INSR: variants seen among roughly 807,000 people sequenced by gnomAD.
INSR encodes the protein insulin receptor.
In INSR, 67 loss-of-function variants were observed where a neutral mutation model predicts 142.6. The observed-to-expected ratio is 0.47, with a 90% CI of 0.39 to 0.58. INSR has a LOEUF of 0.58. INSR is among the 20% of genes least tolerant of loss of function. INSR has a pLI of 0.00. For synonymous variants in INSR, 756 were observed against 743.1 expected (o/e 1.02, Z -0.28); for missense variants, 1,248 against 1,833.2 (o/e 0.68, Z 5.83).
intron 2 of INSR, among the ~76,000 whole-genome samples, chr19:7,238,792 A>C (rs2145145226): frequency 6.6e-6 from 1 of 151,800 alleles, no homozygotes. Context: ...CTATGGGCTA[A>C]GTCTCTCAAT....
intron 1 of INSR, among the ~76,000 whole-genome samples, chr19:7,282,011 T>C (rs1968214204): frequency 6.6e-6 from 1 of 152,194 alleles, no homozygotes; most frequent in African/African-American, 2.4e-5. Context: ...AGAGCCAGTC[T>C]GTACGTGGCA....
intron 1 of INSR, among the ~76,000 whole-genome samples, chr19:7,280,727 A>C (rs1413223778): frequency 6.7e-6 from 1 of 148,700 alleles, no homozygotes; most frequent in South Asian, 2.1e-4. Flanking sequence ...CAAAAAAAAA[A>C]ACAAAAAACC....
chr19:7,208,696 C>T (rs149811491), intron 2 of INSR, among the ~76,000 whole-genome samples: 1 of 152,244 alleles, frequency 6.6e-6, no homozygotes, highest in Non-Finnish European at 1.5e-5. Flanking sequence ...ATGGCAAAAC[C>T]CTGTCTCGGC....
chr19:7,274,293 G>A (rs937335172), intron 1 of INSR, among the ~76,000 whole-genome samples: 5 of 151,982 alleles, frequency 3.3e-5, no homozygotes, highest in South Asian at 2.1e-4. Context: ...GTTCTGACAC[G>A]AGGCGGAGCT....
At chr19:7,135,854 G>C (rs941662564) in intron 13 of INSR, among the ~76,000 whole-genome samples, 2 of 151,594 alleles carry the variant, frequency 1.3e-5, no homozygotes, top group African/African-American at 2.4e-5. Flanking sequence ...TGTAGTCCCA[G>C]ATACTCAAGA....
chr19:7,175,140 G>C (rs1599947291), intron 3 of INSR, among the ~76,000 whole-genome samples: 2 of 151,708 alleles, frequency 1.3e-5, no homozygotes, highest in Non-Finnish European at 1.5e-5. Context: ...CACTGCACCC[G>C]GCCCTTTCTG....
At chr19:7,275,774 G>A (rs1351845188) in intron 1 of INSR, among the ~76,000 whole-genome samples, 1 of 148,176 alleles carries the variant, frequency 6.7e-6, no homozygotes, top group East Asian at 2.0e-4. Context: ...ATGACAGAGC[G>A]AGACTCCATC....
At chr19:7,239,401 G>C (rs1331434201) in intron 2 of INSR, among the ~76,000 whole-genome samples, 5 of 151,310 alleles carry the variant, frequency 3.3e-5, no homozygotes, top group African/African-American at 1.2e-4. Flanking sequence ...TCAGGGAGAT[G>C]CAAAAGAATA....
intron 13 of INSR, among the ~76,000 whole-genome samples, chr19:7,135,513 A>G (rs76128873): frequency 1.4e-5 from 2 of 138,620 alleles, no homozygotes; most frequent in African/African-American, 2.6e-5. Flanking sequence ...ACTCTGTTTG[A>G]AAAAAAAAAA....
intron 2 of INSR, among the ~76,000 whole-genome samples, chr19:7,230,676 G>A (rs577300754): frequency 7.9e-5 from 12 of 152,068 alleles, no homozygotes; most frequent in Admixed American, 5.2e-4. Flanking sequence ...GTGTGGTGGC[G>A]GGCATCTGCA....
chr19:7,233,502 A>C (rs1318578673), intron 2 of INSR, among the ~76,000 whole-genome samples: 2 of 151,716 alleles, frequency 1.3e-5, no homozygotes, highest in Admixed American at 6.6e-5. Context: ...GCAAGCCCTG[A>C]CCCCGAGTGC....
In INSR at chr19:7,152,919, G is replaced by C. The variant is rs1217432940; in HGVS notation, c.2038C>G (p.Leu680Val). 6.2e-7 allele frequency: 1 copy of C among 1,610,762 alleles called. No homozygotes were observed. The highest frequency in any genetic ancestry group is 2.2e-5 in the East Asian group (1 of 44,828). The change falls in exon 10 of 22, where the codon CTG becomes GTG. Residue 680 changes from leucine (L) to valine (V), a missense_variant. Around this residue, in one of 3 missense-constraint regions of INSR, gnomAD observed 1,069 missense variants for 1,654.0 expected, o/e 0.65. Coordinates refer to ENST00000302850, the MANE Select transcript of INSR (RefSeq NM_000208.4). ...ELDYCLKGLK[L>V]PSRTWSPPFE... ...GGTGGAGACCAGGTCCTCGAGGGCA[G>C]CTTCAGCCCTGGAGAAAGAAACAGA...
At chr19:7,244,422 A>C (rs1335502726) in intron 2 of INSR, among the ~76,000 whole-genome samples, 1 of 151,938 alleles carries the variant, frequency 6.6e-6, no homozygotes, top group African/African-American at 2.4e-5. Flanking sequence ...AATCCCAGCT[A>C]CTCAGGAGGC....
chr19:7,237,792 G>T (rs1976208532), intron 2 of INSR, among the ~76,000 whole-genome samples: 1 of 151,520 alleles, frequency 6.6e-6, no homozygotes. Flanking sequence ...CTCCAGCCTG[G>T]GTGACAGAGC....
rs781124014 is a variant in INSR, at chr19:7,174,811, G to A, written c.975-80C>T. On this transcript the variant is annotated intron_variant, in intron 3 of 21. Transcript: ENST00000302850. ...ATCCAAGGTCCTTCAGACATCTCAGGCATCTTTCTGCCTGATATGGTATTT... is the reference window on the plus strand; with the variant it reads ...ATCCAAGGTCCTTCAGACATCTCAGACATCTTTCTGCCTGATATGGTATTT... 1.1e-5 allele frequency: 15 copies of A among 1,365,230 alleles called. No individual in the cohort carries two copies. The Admixed American group carries it at 2.0e-4, about 18-fold the overall frequency. The allele number at this position is 1,365,230 out of a possible 1,614,324, so 84.6% of individuals were successfully genotyped here.
chr19:7,213,866 G>T (rs1975353089), intron 2 of INSR, among the ~76,000 whole-genome samples: 1 of 151,984 alleles, frequency 6.6e-6, no homozygotes, highest in Non-Finnish European at 1.5e-5. Flanking sequence ...GTGCACGCCT[G>T]CAATCTCAGC....
intron 1 of INSR, among the ~76,000 whole-genome samples, chr19:7,270,625 G>A (rs1245042312): frequency 6.6e-6 from 1 of 152,050 alleles, no homozygotes; most frequent in Non-Finnish European, 1.5e-5. Flanking sequence ...AGGCATGGTG[G>A]CATGTGGTTG....
chr19:7,183,232 CTG>C (rs1173976422), intron 3 of INSR, among the ~76,000 whole-genome samples: 2 of 150,640 alleles, frequency 1.3e-5, no homozygotes, highest in Non-Finnish European at 3.0e-5. Flanking sequence ...TGATGTGTGT[CTG>C]TTTCTGATTT....
At chr19:7,251,370 C>T (rs1386199956) in intron 2 of INSR, among the ~76,000 whole-genome samples, 1 of 152,082 alleles carries the variant, frequency 6.6e-6, no homozygotes, top group Non-Finnish European at 1.5e-5. Context: ...GATCCTCCCA[C>T]CTCAGCCTCC....
Sources: allele counts gnomAD v4.1 joint callset (sites outside exome capture counted in the v4.1 genomes callset), GRCh38; gene constraint gnomAD v4.1.1; regional missense constraint gnomAD v4.1.1; transcripts MANE v1.5; gene names NCBI Gene and HGNC (gene_info 2026-07-23, HGNC 2026-07-21).